Variants in ZNF600 observed in about 807,000 individuals in gnomAD.
The protein encoded by ZNF600 is zinc finger protein 600, also known as zinc finger protein KR-ZNF1.
ZNF600 carries 4 observed loss-of-function variants against 7.3 expected under a neutral mutation model. The observed-to-expected ratio is 0.55, with a 90% CI of 0.27 to 1.25. ZNF600 has a LOEUF of 1.25. Among genes scored for constraint, ZNF600 ranks in the 50% most tolerant of loss-of-function variants. The probability of loss-of-function intolerance (pLI) is 0.12; values close to 1 mark genes in which losing one functional copy is unlikely to be tolerated. For missense variants in ZNF600, 911 were observed against 922.1 expected (o/e 0.99, Z 0.16); for synonymous variants, 290 against 308.9 (o/e 0.94, Z 0.64).
chr19:52,826,767 T>G, the ZNF600 span, among the ~76,000 whole-genome samples: 1 of 152,014 alleles, frequency 6.6e-6, no homozygotes, highest in South Asian at 2.1e-4. Context: ...TCCCAGCTAC[T>G]TGGGAGGCTG....
At chr19:52,779,953 T>C (rs1373512501) in intron 1 of ZNF600, among the ~76,000 whole-genome samples, 1 of 152,044 alleles carries the variant, frequency 6.6e-6, no homozygotes. Context: ...GAGGCAGAGG[T>C]TGCAGTGAGC....
At chr19:52,778,865 C>T in exon 2 of ZNF600, 21 of 1,607,174 alleles carry the variant, frequency 1.3e-5, no homozygotes, top group Non-Finnish European at 1.8e-5. Context: ...CTTTCCTCTT[C>T]TGAGCTGCTT....
intron 3 of ZNF600, among the ~76,000 whole-genome samples, chr19:52,769,348 C>T (rs2062614388): frequency 6.6e-6 from 1 of 152,186 alleles, no homozygotes; most frequent in Non-Finnish European, 1.5e-5. Flanking sequence ...CTGGCTCTGC[C>T]TTCTAGATAA....
intron 1 of ZNF600, among the ~76,000 whole-genome samples, chr19:52,781,960 C>T (rs1048163113): frequency 6.7e-6 from 1 of 148,624 alleles, no homozygotes; most frequent in Non-Finnish European, 1.5e-5. Flanking sequence ...ATTCAGGATG[C>T]TGAGGCAGGA....
the ZNF600 span, chr19:52,808,203 A>T: frequency 6.3e-7 from 1 of 1,591,364 alleles, no homozygotes. Flanking sequence ...ATGACAAGAG[A>T]GGGGGAAAGC....
At chr19:52,828,177 G>A in the ZNF600 span, among the ~76,000 whole-genome samples, 1 of 151,946 alleles carries the variant, frequency 6.6e-6, no homozygotes, top group African/African-American at 2.4e-5. Context: ...TCAGCCTCCT[G>A]AGTAGCTGGG....
the ZNF600 span, among the ~76,000 whole-genome samples, chr19:52,795,013 T>C: frequency 2.7e-3 from 406 of 152,296 alleles, 3 homozygotes; most frequent in African/African-American, 8.7e-3. Flanking sequence ...TTTGAACACA[T>C]AGCTATAAGT....
At chr19:52,765,604 C>T in exon 4 of ZNF600, 1 of 1,613,782 alleles carries the variant, frequency 6.2e-7, no homozygotes, top group Non-Finnish European at 8.5e-7. Context: ...AGTTTCCCTA[C>T]ACCATGAACT....
intron 1 of ZNF600, among the ~76,000 whole-genome samples, chr19:52,785,597 C>T (rs2062757020): frequency 6.6e-6 from 1 of 152,086 alleles, no homozygotes; most frequent in Non-Finnish European, 1.5e-5. Flanking sequence ...CAATCTTCCT[C>T]AATGTCTATA....
the ZNF600 span, among the ~76,000 whole-genome samples, chr19:52,803,948 C>T: frequency 6.6e-6 from 1 of 152,132 alleles, no homozygotes; most frequent in African/African-American, 2.4e-5. Flanking sequence ...CAGGATGAGA[C>T]TCCATCTCAA....
the ZNF600 span, among the ~76,000 whole-genome samples, chr19:52,831,500 T>C: frequency 1.3e-5 from 2 of 151,406 alleles, no homozygotes; most frequent in Admixed American, 1.3e-4. Flanking sequence ...TTTTTGTTTT[T>C]TTGTTTTTTT....
the ZNF600 span, among the ~76,000 whole-genome samples, chr19:52,802,336 C>T: frequency 6.6e-6 from 1 of 152,064 alleles, no homozygotes; most frequent in African/African-American, 2.4e-5. Context: ...CCACTGCACT[C>T]CAGCCCAGGT....
At chr19:52,772,836 A>G (rs2062641335) in intron 3 of ZNF600, among the ~76,000 whole-genome samples, 2 of 152,168 alleles carry the variant, frequency 1.3e-5, no homozygotes, top group Non-Finnish European at 2.9e-5. Context: ...CAAGGAGAAC[A>G]GATAGAAGTA....
intron 1 of ZNF600, chr19:52,781,376 C>G (rs909445238): frequency 2.6e-5 from 4 of 152,024 alleles, no homozygotes; most frequent in African/African-American, 9.7e-5. Flanking sequence ...CCAAGTTATT[C>G]TGAGATGTTC....
At chr19:52,801,723 T>C in the ZNF600 span, 82 of 1,598,278 alleles carry the variant, frequency 5.1e-5, no homozygotes, top group Non-Finnish European at 6.2e-5. Flanking sequence ...TAAACACCAA[T>C]AGGTTTCCAA....
At chr19:52,828,034 G>A in the ZNF600 span, among the ~76,000 whole-genome samples, 1 of 151,958 alleles carries the variant, frequency 6.6e-6, no homozygotes, top group Non-Finnish European at 1.5e-5. Flanking sequence ...CAGGCACTTT[G>A]TGATTTTTTT....
the ZNF600 span, among the ~76,000 whole-genome samples, chr19:52,807,115 C>T: frequency 5.9e-5 from 9 of 152,132 alleles, no homozygotes; most frequent in African/African-American, 1.9e-4. Flanking sequence ...TACATTCCCA[C>T]CCATCTGGAT....
the ZNF600 span, chr19:52,798,933 T>G: frequency 7.0e-7 from 1 of 1,429,790 alleles, no homozygotes; most frequent in Non-Finnish European, 9.4e-7. Flanking sequence ...TCATTGCACT[T>G]GTAAGGTTTC....
the ZNF600 span, chr19:52,809,719 C>T: frequency 7.6e-5 from 30 of 395,208 alleles, no homozygotes; most frequent in East Asian, 1.3e-3. Flanking sequence ...GGCAGCAAAA[C>T]GCTTTAACCC....
Sources: allele counts gnomAD v4.1 joint callset (sites outside exome capture counted in the v4.1 genomes callset), GRCh38; gene constraint gnomAD v4.1.1; transcripts MANE v1.5; gene names NCBI Gene and HGNC (gene_info 2026-07-23, HGNC 2026-07-21).